MAPKBP1: variants seen among roughly 807,000 people sequenced by gnomAD.
The protein encoded by MAPKBP1 is mitogen-activated protein kinase binding protein 1.
A neutral mutation model predicts 170.5 loss-of-function variants in MAPKBP1; 71 were observed. The observed-to-expected ratio is 0.42, with a 90% CI of 0.34 to 0.51. The LOEUF is 0.51. Among genes scored for constraint, MAPKBP1 ranks in the 20% least tolerant of loss-of-function variants. The pLI is 0.06. For synonymous variants in MAPKBP1, 719 were observed against 757.9 expected, an observed-to-expected ratio of 0.95 and a Z score of 0.84; for missense variants, 1,598 against 1,933.0, an observed-to-expected ratio of 0.83 and a Z score of 3.25.
In MAPKBP1 at chr15:41,775,370, G is replaced by T; in HGVS notation, c.95G>T (p.Arg32Leu). Residue 32 changes from arginine (R) to leucine (L), a missense_variant, in exon 2 of 31, where the codon CGA becomes CTA. Physicochemically the swap from Arg to Leu is moderately radical, Grantham distance 102. Transcript: ENST00000457542. ...CGCAGGAGTAAGGCAGGAAACCGACGAGAGGACCTCAGCTCCAAGGTGAGT... is the reference window on the plus strand; with the variant it reads ...CGCAGGAGTAAGGCAGGAAACCGACTAGAGGACCTCAGCTCCAAGGTGAGT... The part of the protein sequence containing the change: ...KLRRSKAGNR[R>L]EDLSSKVTLE... 6.2e-7 allele frequency: 1 copy of T among 1,614,144 alleles called. No homozygotes were observed.
chr15:41,813,640 T>C lies in MAPKBP1; in HGVS notation c.839T>C (p.Ile280Thr). 1 of 1,614,028 alleles carries C rather than the reference T, an allele frequency of 6.2e-7. No individual in the cohort carries two copies. Among genetic ancestry groups the C allele is most frequent in the Non-Finnish European group, 8.5e-7 (1 of 1,179,968 alleles). ...VELRTTVAHC[I>T]SVSQDYIFCG... ...CCACAGACCACAGTGGCCCACTGCA[T>C]CTCTGTGAGCCAAGACTACATCTTC... is the stretch of plus-strand genomic sequence containing the variant. The change falls in exon 9 of 31, where the codon ATC (isoleucine) becomes ACC (threonine). Residue 280 changes from isoleucine (I) to threonine (T), a missense_variant. Coordinates refer to ENST00000457542, the MANE Select transcript of MAPKBP1 (RefSeq NM_014994.3).
chr15:41,815,602 C>T lies in MAPKBP1; in HGVS notation c.1318-22C>T, dbSNP rs750132909. On this transcript the variant is annotated intron_variant, in intron 11 of 30. Transcript: ENST00000457542. Reference sequence around the variant, plus strand: ...TACTGGTCAGGCCTGCCTCATCCACCTTTTCTAACCTGTTCCACTAGGACC... The same window carrying T: ...TACTGGTCAGGCCTGCCTCATCCACTTTTTCTAACCTGTTCCACTAGGACC... 8.1e-6 allele frequency: 13 copies of T among 1,605,818 alleles called. No homozygotes were observed. In the Admixed American group the frequency reaches 8.4e-5, roughly 10 times the overall value.
chr15:41,820,963 A>G lies in MAPKBP1; in HGVS notation c.2613A>G (p.Thr871=). 1 of 1,614,172 alleles carries G rather than the reference A, an allele frequency of 6.2e-7. No individual in the cohort carries two copies. Among genetic ancestry groups the G allele is most frequent in the Non-Finnish European group, 8.5e-7 (1 of 1,180,026 alleles). ...TGCTGGATCTGCGGCAGCTGGAAAC[A>G]CTGGCCCCAAGCCTGCAGGACCCTA... ...RSMLDLRQLE[T]LAPSLQDPSQ... is the part of the protein sequence containing the mutation. The change falls in exon 23 of 31, where the codon ACA becomes ACG. Residue 871 remains threonine (T), a synonymous_variant. Transcript: ENST00000457542.
At chr15:41,805,404 A>AGCCCCTGT (rs535520878) in intron 3 of MAPKBP1, among the ~76,000 whole-genome samples, 11 of 152,322 alleles carry the variant, frequency 7.2e-5, no homozygotes, top group Admixed American at 2.0e-4. Context: ...AGCCCAGCAC[A>AGCCCCTGT]GCCCCTGTGC....
Position 41,799,813 on chromosome 15 carries a change from CCTCT to C in MAPKBP1, c.115-9_115-6del, listed in dbSNP as rs745457785. On this transcript the variant is annotated splice_region_variant and splice_polypyrimidine_tract_variant and intron_variant, in intron 2 of 30. Transcript: ENST00000457542. Reference sequence around the variant, plus strand: ...GTCTGTAACATGTCACTTCTCTCTTCCTCTAACAGGTGACCTTGGAGAAGGTGCT... The same window carrying C: ...GTCTGTAACATGTCACTTCTCTCTTCAACAGGTGACCTTGGAGAAGGTGCT... 78 of 1,610,370 alleles carry C rather than the reference CCTCT, an allele frequency of 4.8e-5. No homozygotes were observed. Among genetic ancestry groups the C allele is most frequent in the Non-Finnish European group, 6.2e-5 (73 of 1,176,732 alleles).
At chr15:41,821,906 C>T (rs929288198) in intron 24 of MAPKBP1, 59 bp from the exon 25 acceptor site, 49 of 1,582,478 alleles carry the variant, frequency 3.1e-5, no homozygotes, top group African/African-American at 4.0e-5. Context: ...AGGAGTCCAG[C>T]GGGGCTGCTG....
At chr15:41,820,625 G>A (rs997522510) in intron 22 of MAPKBP1, among the ~76,000 whole-genome samples, 3 of 152,170 alleles carry the variant, frequency 2.0e-5, no homozygotes, top group Non-Finnish European at 4.4e-5. Flanking sequence ...TCTGTGGGAC[G>A]CAGACTGCTC....
chr15:41,814,326 T>C (rs1424432985), intron 9 of MAPKBP1, among the ~76,000 whole-genome samples: 2 of 152,186 alleles, frequency 1.3e-5, no homozygotes, highest in African/African-American at 4.8e-5. Flanking sequence ...TGTCTAACGT[T>C]GGTGTTCTGT....
In MAPKBP1 at chr15:41,815,271, G is replaced by A. The variant is rs776451536; in HGVS notation, c.1183G>A (p.Val395Met). The change falls in exon 11 of 31, where the codon GTG (valine) becomes ATG (methionine). Residue 395 changes from valine to methionine, a missense_variant. Val to Met is a conservative substitution (Grantham distance 21, BLOSUM62 1). This residue lies in a region of MAPKBP1 where 430 missense variants were observed against 617.2 expected (regional missense o/e 0.70). Coordinates refer to ENST00000457542, the MANE Select transcript of MAPKBP1 (RefSeq NM_014994.3). ...CVWSVEVYPE[V>M]KDSNQACLPP... is the part of the protein sequence containing the mutation. ...TCGGCCTCTTCAGGTCTACCCCGAGGTGAAGGATAGTAACCAGGCCTGCCT... is the reference window on the plus strand; with the variant it reads ...TCGGCCTCTTCAGGTCTACCCCGAGATGAAGGATAGTAACCAGGCCTGCCT... The A allele has an allele frequency of 7.4e-6, 12 of 1,614,070 alleles. No homozygotes were observed. The highest frequency in any genetic ancestry group is 9.3e-6 in the Non-Finnish European group (11 of 1,180,054).
At chr15:41,788,817 A>G (rs2064344556) in intron 2 of MAPKBP1, among the ~76,000 whole-genome samples, 1 of 152,312 alleles carries the variant, frequency 6.6e-6, no homozygotes, top group East Asian at 1.9e-4. Flanking sequence ...GTTTTTGGGC[A>G]GGGGAGAAAC....
intron 2 of MAPKBP1, among the ~76,000 whole-genome samples, chr15:41,796,157 G>T (rs962969832): frequency 6.6e-6 from 1 of 152,136 alleles, no homozygotes; most frequent in Non-Finnish European, 1.5e-5. Flanking sequence ...GTGATTTCAG[G>T]GCCACTCGTT....
rs1250742682 is a variant in MAPKBP1 at position 41,790,376 on chromosome 15, G to T, written c.115-9447G>T. Among the ~76,000 whole-genome samples, 3 of 152,194 alleles carry T rather than the reference G, an allele frequency of 2.0e-5. No homozygotes were observed. In the East Asian group the frequency reaches 5.8e-4, roughly 29 times the overall value. ...TTCATTCAGAATCTTGCAGTCAGGG[G>T]AAGTGGATAGGGTGGGGATAGAGTA... On this transcript the variant is annotated intron_variant, in intron 2 of 30. Transcript: ENST00000457542.
At chr15:41,785,937 T>C (rs1179025611) in intron 2 of MAPKBP1, among the ~76,000 whole-genome samples, 1 of 152,248 alleles carries the variant, frequency 6.6e-6, no homozygotes, top group Non-Finnish European at 1.5e-5. Flanking sequence ...GTGTATCTAA[T>C]TGAATTTTTT....
Position 41,775,400 on chromosome 15 carries a change from T to C in MAPKBP1, c.114+11T>C. ...GACCTCAGCTCCAAGGTGAGTCCTGTTGGGATCCACCTCTTTCCAAACCCA... is the reference window on the plus strand; with the variant it reads ...GACCTCAGCTCCAAGGTGAGTCCTGCTGGGATCCACCTCTTTCCAAACCCA... On this transcript the variant is annotated intron_variant, in intron 2 of 30. Coordinates refer to ENST00000457542, the MANE Select transcript of MAPKBP1 (RefSeq NM_014994.3). 1 of 1,601,576 alleles carries C rather than the reference T, an allele frequency of 6.2e-7. No individual in the cohort carries two copies. The highest frequency in any genetic ancestry group is 8.6e-7 in the Non-Finnish European group (1 of 1,168,498).
chr15:41,810,968 G>A, intron 4 of MAPKBP1, 23 bp downstream of exon 4: 2 of 1,613,878 alleles, frequency 1.2e-6, no homozygotes, highest in Non-Finnish European at 1.7e-6. Context: ...GGGTCCTCAG[G>A]ATACCTCTTC....
intron 8 of MAPKBP1, 61 bp downstream of exon 8, chr15:41,813,162 T>A (rs2064832861): frequency 6.4e-7 from 1 of 1,556,308 alleles, no homozygotes; most frequent in African/African-American, 1.4e-5. Flanking sequence ...GGAGAACTAG[T>A]GCCCAGGGCT....
chr15:41,819,500 C>T (rs1229386455), intron 21 of MAPKBP1, 95 bp from the exon 22 acceptor site: 1 of 1,546,518 alleles, frequency 6.5e-7, no homozygotes, highest in Non-Finnish European at 8.8e-7. Flanking sequence ...ATCACTGTGG[C>T]CACACAGGGT....
intron 29 of MAPKBP1, among the ~76,000 whole-genome samples, 175 bp downstream of exon 29, chr15:41,824,236 CCTT>C (rs1459987496): frequency 2.6e-5 from 4 of 152,354 alleles, no homozygotes; most frequent in African/African-American, 9.6e-5. Context: ...CTCCTGCTAA[CCTT>C]CATGATTTCC....
intron 8 of MAPKBP1, 57 bp downstream of exon 8, chr15:41,813,158 C>G (rs1000708983): frequency 1.3e-6 from 2 of 1,560,548 alleles, no homozygotes; most frequent in Non-Finnish European, 1.7e-6. Flanking sequence ...CAGGGGAGAA[C>G]TAGTGCCCAG....
Sources: gnomAD v4.1 joint callset for allele counts (sites outside exome capture counted in the v4.1 genomes callset) on GRCh38, gnomAD v4.1.1 for gene constraint, gnomAD v4.1.1 regional missense constraint, MANE v1.5 for transcripts, NCBI Gene and HGNC (gene_info 2026-07-23, HGNC 2026-07-21) for gene names.